Variants in ZDHHC1 observed in about 807,000 individuals in gnomAD.
ZDHHC1 encodes palmitoyltransferase ZDHHC1.
In ZDHHC1, 45 loss-of-function variants were observed where a neutral mutation model predicts 46.9. That is an observed-to-expected ratio of 0.96 (90% CI 0.76 to 1.23). The LOEUF (loss-of-function observed/expected upper bound fraction) is 1.23. ZDHHC1 is among the 50% of genes most tolerant of loss of function. The probability of loss-of-function intolerance (pLI) is 0.00; values close to 1 mark genes in which losing one functional copy is unlikely to be tolerated. For synonymous variants in ZDHHC1, 291 were observed against 286.0 expected (o/e 1.02, Z -0.18); for missense variants, 649 against 670.8 (o/e 0.97, Z 0.36).
At position 67,395,639 on chromosome 16, in the gene ZDHHC1, G is replaced by A. The variant is rs970949734; in HGVS notation, c.928-73C>T. ...CGAGCCTGCTGAGCCCTAAGCCCAC[G>A]CAGTCCTGCCCTCATTGGCCTCTGT... is the stretch of plus-strand genomic sequence containing the variant. On this transcript the variant is annotated intron_variant, in intron 8 of 11. Transcript: ENST00000565726. 14 of 1,432,042 alleles carry A rather than the reference G, an allele frequency of 9.8e-6. No individual in the cohort carries two copies. The Admixed American group carries it at 1.2e-4, about 12-fold the overall frequency. The allele number at this position is 1,432,042 out of a possible 1,614,324, so 88.7% of individuals were successfully genotyped here.
intron 3 of ZDHHC1, among the ~76,000 whole-genome samples, chr16:67,403,576 G>C (rs890206107): frequency 8.6e-5 from 13 of 151,878 alleles, no homozygotes; most frequent in African/African-American, 2.9e-4. Context: ...AGAATGCGGA[G>C]CCTTGACGCC....
intron 8 of ZDHHC1, among the ~76,000 whole-genome samples, 160 bp downstream of exon 8, chr16:67,398,052 G>T (rs968254983): frequency 6.6e-5 from 10 of 152,158 alleles, no homozygotes; most frequent in African/African-American, 2.4e-4. Context: ...CTGTGCCCAC[G>T]CTTGGGCGAG....
At position 67,406,138 on chromosome 16, in the gene ZDHHC1, T is replaced by C. The variant is rs1413210939; in HGVS notation, c.252+62A>G. ...TCTCAACCCGGCTTTGGGCCTCCGC[T>C]GTGCCAGCCATCCTTTGCCTCCCCA... On this transcript the variant is annotated intron_variant, in intron 3 of 11. Transcript: ENST00000565726. This position sits in a 1 kb window ranked among gnomAD's most constrained non-coding sequence, Gnocchi z 4.1. The C allele has an allele frequency of 2.6e-6, 4 of 1,562,518 alleles. No homozygotes were observed. The Admixed American group carries it at 5.4e-5, about 21-fold the overall frequency.
intron 10 of ZDHHC1, 48 bp from the exon 11 acceptor site, chr16:67,395,110 C>G: frequency 6.2e-7 from 1 of 1,613,242 alleles, no homozygotes; most frequent in Non-Finnish European, 8.5e-7. Context: ...CCAAAAGAAG[C>G]AGAGGCGAGC....
chr16:67,416,438 G>A lies in ZDHHC1; in HGVS notation c.-306C>T, dbSNP rs1019037888. The A allele has an allele frequency of 5.2e-6, 1 of 193,186 alleles. No homozygotes were observed. The allele number at this position is 193,186 out of a possible 1,614,324, so 12.0% of individuals were successfully genotyped here. A position where few individuals can be genotyped will look rare whatever the true frequency, so the allele number is the denominator to read the frequency against. On this transcript the variant is annotated 5_prime_UTR_variant, in exon 1 of 12. Coordinates refer to ENST00000565726, the MANE Select transcript of ZDHHC1 (RefSeq NM_001323627.2). ...CCGGCTCCAGCAGGCTGGAGGGGCG[G>A]CCAGGCCAGACCCAGACTGGCTGGG...
At chr16:67,409,175 G>A (rs1253649607) in intron 1 of ZDHHC1, among the ~76,000 whole-genome samples, 1 of 152,004 alleles carries the variant, frequency 6.6e-6, no homozygotes, top group Non-Finnish European at 1.5e-5. Context: ...CTGCAGCCAG[G>A]CGCCCGCCAC....
intron 1 of ZDHHC1, among the ~76,000 whole-genome samples, chr16:67,415,912 T>C (rs2040827058): frequency 6.6e-6 from 1 of 152,208 alleles, no homozygotes; most frequent in African/African-American, 2.4e-5. Flanking sequence ...CTTAATGCTC[T>C]GGGTTCTGGA....
Position 67,395,507 on chromosome 16 carries a change from G to A in ZDHHC1, c.987C>T (p.Ala329=), listed in dbSNP as rs532330129. 22 of 1,554,744 alleles carry A rather than the reference G, an allele frequency of 1.4e-5. No individual in the cohort carries two copies. The highest frequency in any genetic ancestry group is 2.7e-5 in the African/African-American group (2 of 73,526). ...ACTTGGCATTCACTGCTGCTGGCCC[G>A]GCCTGGCCAGGGGGCTCTGGGCGCA... ...RHMRPEPPGQ[A]GPAAVNANPS... Residue 329 remains alanine (A), a synonymous_variant, in exon 9 of 12, where the codon GCC becomes GCT. Coordinates refer to ENST00000565726, the MANE Select transcript of ZDHHC1 (RefSeq NM_001323627.2).
At chr16:67,414,006 G>C (rs1597552671) in intron 1 of ZDHHC1, among the ~76,000 whole-genome samples, 1 of 149,926 alleles carries the variant, frequency 6.7e-6, no homozygotes, top group African/African-American at 2.5e-5. Flanking sequence ...AATTATTCCT[G>C]AGTTGACATG....
chr16:67,396,202 C>G (rs997720155), intron 8 of ZDHHC1: 2 of 152,412 alleles, frequency 1.3e-5, no homozygotes, highest in Admixed American at 6.5e-5. Flanking sequence ...CAGACGCGAC[C>G]CCTGAGAGCA....
chr16:67,413,710 C>A (rs1318873670), intron 1 of ZDHHC1, among the ~76,000 whole-genome samples: 3 of 152,062 alleles, frequency 2.0e-5, no homozygotes, highest in Non-Finnish European at 4.4e-5. Context: ...GAAGCCGAGG[C>A]GGGCAGATCA....
At position 67,406,121 on chromosome 16, in the gene ZDHHC1, C is replaced by T. The variant is rs748643670; in HGVS notation, c.252+79G>A. 6.6e-6 allele frequency: 10 copies of T among 1,518,066 alleles called. No homozygotes were observed. Among genetic ancestry groups the T allele is most frequent in the African/African-American group, 4.1e-5 (3 of 72,554 alleles). 94.0% of individuals were successfully genotyped at this position (1,518,066 alleles called of 1,614,324 possible). ...ACTGTGCTCCCCAAGGCTCTCAACC[C>T]GGCTTTGGGCCTCCGCTGTGCCAGC... On this transcript the variant is annotated intron_variant, in intron 3 of 11. Coordinates refer to ENST00000565726, the MANE Select transcript of ZDHHC1 (RefSeq NM_001323627.2). This position sits in a 1 kb window ranked among gnomAD's most constrained non-coding sequence, Gnocchi z 4.1.
At chr16:67,404,881 T>C (rs1374907500) in intron 3 of ZDHHC1, among the ~76,000 whole-genome samples, 2 of 152,240 alleles carry the variant, frequency 1.3e-5, no homozygotes, top group East Asian at 3.8e-4. Context: ...GTACAAGGCA[T>C]GGGGTTGTTC....
chr16:67,404,425 A>C (rs2040614964), intron 3 of ZDHHC1: 2 of 276,848 alleles, frequency 7.2e-6, no homozygotes, highest in Non-Finnish European at 1.5e-5. Context: ...TTCCAGGCCC[A>C]AGGTGGGTAC....
At chr16:67,409,155 G>A (rs1042714165) in intron 1 of ZDHHC1, among the ~76,000 whole-genome samples, 15 of 152,140 alleles carry the variant, frequency 9.9e-5, no homozygotes, top group African/African-American at 2.4e-4. Flanking sequence ...GAGGCAGGAG[G>A]AGTCACCATC....
At chr16:67,405,215 G>C (rs2040631438) in intron 3 of ZDHHC1, among the ~76,000 whole-genome samples, 1 of 152,192 alleles carries the variant, frequency 6.6e-6, no homozygotes, top group Admixed American at 6.5e-5. Flanking sequence ...TTTCCTAAAA[G>C]AGCATGTTCA....
rs2040374800 is a variant in ZDHHC1 at position 67,394,487 on chromosome 16, G to T, written c.*123C>A. 4 of 835,384 alleles carry T rather than the reference G, an allele frequency of 4.8e-6. No homozygotes were observed. In the South Asian group the frequency reaches 2.3e-4, roughly 48 times the overall value. 51.7% of individuals were successfully genotyped at this position (835,384 alleles called of 1,614,324 possible). Reference sequence around the variant, plus strand: ...GGGGCGGGTATTGCTGAGTCGTGGGGGAGGGAGGCCGATCCCGCCGGCCGT... The same window carrying T: ...GGGGCGGGTATTGCTGAGTCGTGGGTGAGGGAGGCCGATCCCGCCGGCCGT... On this transcript the variant is annotated 3_prime_UTR_variant, in exon 12 of 12. Transcript: ENST00000565726.
At chr16:67,402,568 G>C (rs1299988198) in intron 3 of ZDHHC1, among the ~76,000 whole-genome samples, 1 of 152,104 alleles carries the variant, frequency 6.6e-6, no homozygotes, top group African/African-American at 2.4e-5. Flanking sequence ...GGCATTGAGG[G>C]ATACGGCAGG....
At chr16:67,403,016 T>G (rs1240724957) in intron 3 of ZDHHC1, among the ~76,000 whole-genome samples, 2 of 152,214 alleles carry the variant, frequency 1.3e-5, no homozygotes, top group Non-Finnish European at 2.9e-5. Flanking sequence ...TGACCTCATC[T>G]AGTCTGAAGG....
Sources: gnomAD v4.1 joint callset for allele counts (sites outside exome capture counted in the v4.1 genomes callset) on GRCh38, gnomAD v4.1.1 for gene constraint, Gnocchi (gnomAD v3.1) non-coding constraint, MANE v1.5 for transcripts, NCBI Gene and HGNC (gene_info 2026-07-23, HGNC 2026-07-21) for gene names.